The following UGT1A8 variants were observed in gnomAD, a reference collection of about 807,000 sequenced individuals.
UGT1A8 encodes UDP-glucuronosyltransferase 1A8.
UGT1A8 carries 39 observed loss-of-function variants against 45.3 expected under a neutral mutation model. The ratio of observed to expected loss-of-function variants is 0.86; its 90% CI spans 0.67 to 1.12. The LOEUF (loss-of-function observed/expected upper bound fraction) is 1.12. Ranked by LOEUF, UGT1A8 falls within the 50% of genes most tolerant of loss-of-function variation. UGT1A8 has a pLI of 0.00. For missense variants in UGT1A8, 719 were observed against 664.9 expected (o/e 1.08, Z -0.90); for synonymous variants, 275 against 249.2 (o/e 1.10, Z -0.97).
intron 1 of UGT1A8, among the ~76,000 whole-genome samples, chr2:233,730,416 T>C (rs934632657): frequency 4.6e-5 from 7 of 152,204 alleles, no homozygotes; most frequent in African/African-American, 1.7e-4. Flanking sequence ...GTTGACATGA[T>C]AATTTTTAGT....
intron 1 of UGT1A8, among the ~76,000 whole-genome samples, chr2:233,673,716 A>G (rs555278299): frequency 1.3e-5 from 2 of 152,302 alleles, no homozygotes; most frequent in South Asian, 2.1e-4. Context: ...TATTGGGTAC[A>G]GGACAATTTT....
chr2:233,751,910 A>G (rs1006806920), intron 1 of UGT1A8, among the ~76,000 whole-genome samples: 1 of 152,180 alleles, frequency 6.6e-6, no homozygotes, highest in African/African-American at 2.4e-5. Context: ...AGAACAGACT[A>G]ATACAAGATT....
At chr2:233,630,689 A>C (rs1161328248) in intron 1 of UGT1A8, among the ~76,000 whole-genome samples, 1 of 152,106 alleles carries the variant, frequency 6.6e-6, no homozygotes, top group African/African-American at 2.4e-5. Context: ...GAGCAGGAGC[A>C]AGAGAGAGAC....
chr2:233,773,166 A>T lies in UGT1A8; in HGVS notation c.*607A>T, dbSNP rs1365431114. ...ATTGGTGGGTGGTGTATTTGAGAAGATAATCATTGCTTATGTCAAATGGAG... is the reference window on the plus strand; with the variant it reads ...ATTGGTGGGTGGTGTATTTGAGAAGTTAATCATTGCTTATGTCAAATGGAG... On this transcript the variant is annotated 3_prime_UTR_variant, in exon 5 of 5. Transcript: ENST00000373450. The T allele has an allele frequency of 6.5e-6, 1 of 153,410 alleles. No individual in the cohort carries two copies. Among genetic ancestry groups the T allele is most frequent in the Non-Finnish European group, 1.5e-5 (1 of 68,794 alleles). The allele number at this position is 153,410 out of a possible 1,614,324, so 9.5% of individuals were successfully genotyped here.
intron 1 of UGT1A8, among the ~76,000 whole-genome samples, chr2:233,750,063 C>T (rs556183809): frequency 6.6e-6 from 1 of 151,926 alleles, no homozygotes; most frequent in South Asian, 2.1e-4. Flanking sequence ...GACTTTGGAA[C>T]TGGGTAACAG....
At chr2:233,699,090 T>C (rs2075483831) in intron 1 of UGT1A8, among the ~76,000 whole-genome samples, 1 of 152,200 alleles carries the variant, frequency 6.6e-6, no homozygotes, top group Non-Finnish European at 1.5e-5. Context: ...TCTAGCCCTG[T>C]GCACCTCATC....
At chr2:233,747,470 G>C in intron 1 of UGT1A8, 4 of 1,608,766 alleles carry the variant, frequency 2.5e-6, no homozygotes, top group Non-Finnish European at 3.4e-6. Context: ...CATGGACCCA[G>C]GATGAATTTG....
At chr2:233,724,935 G>A (rs1212268731) in intron 1 of UGT1A8, among the ~76,000 whole-genome samples, 1 of 143,666 alleles carries the variant, frequency 7.0e-6, no homozygotes, top group South Asian at 2.5e-4. Flanking sequence ...ACGAGACTCC[G>A]TCTGCAATCC....
intron 1 of UGT1A8, chr2:233,636,875 A>G: frequency 6.2e-7 from 1 of 1,614,032 alleles, no homozygotes; most frequent in Non-Finnish European, 8.5e-7. Flanking sequence ...GGTTTTCTTG[A>G]CTTATTTTTT....
intron 1 of UGT1A8, chr2:233,671,719 C>T (rs1169088424): frequency 1.5e-4 from 155 of 1,060,586 alleles, no homozygotes; most frequent in Middle Eastern, 6.6e-4. Context: ...CCATAAGCTA[C>T]TGTTGTCTGG....
chr2:233,746,471 A>T (rs538596800), intron 1 of UGT1A8, among the ~76,000 whole-genome samples: 1 of 151,696 alleles, frequency 6.6e-6, no homozygotes, highest in Non-Finnish European at 1.5e-5. Flanking sequence ...GGGTTCCAGA[A>T]ACACTTTCCA....
At chr2:233,627,465 G>C (rs370625550) in intron 1 of UGT1A8, among the ~76,000 whole-genome samples, 1 of 151,912 alleles carries the variant, frequency 6.6e-6, no homozygotes, top group African/African-American at 2.4e-5. Flanking sequence ...AATCACATTG[G>C]CATCTATAAA....
chr2:233,718,037 G>C (rs1268815456), intron 1 of UGT1A8: 1 of 377,926 alleles, frequency 2.6e-6, no homozygotes, highest in Non-Finnish European at 5.2e-6. Context: ...CCTTTGGTGA[G>C]CAGGAGCTCC....
At chr2:233,647,980 A>C (rs941067218) in intron 1 of UGT1A8, 1 of 1,608,308 alleles carries the variant, frequency 6.2e-7, no homozygotes, top group Non-Finnish European at 8.5e-7. Flanking sequence ...GGAGAAACTC[A>C]TTCTCAGGGG....
In UGT1A8 at chr2:233,695,130, C is replaced by CTTTCTTTCTTTTT. The variant is rs1364557158; in HGVS notation, c.856-71901_856-71900insCTTTCTTTTTTTT. Among the ~76,000 whole-genome samples the CTTTCTTTCTTTTT allele has an allele frequency of 8.6e-5, 12 of 138,840 alleles. 1 individual carries two copies. Among genetic ancestry groups the CTTTCTTTCTTTTT allele is most frequent in the African/African-American group, 3.3e-4 (12 of 36,796 alleles). The allele number at this position is 138,840 out of a possible 152,430, so 91.1% of individuals were successfully genotyped here. A position where few individuals can be genotyped will look rare whatever the true frequency, so the allele number is the denominator to read the frequency against. On this transcript the variant is annotated intron_variant, in intron 1 of 4. Coordinates refer to ENST00000373450, the MANE Select transcript of UGT1A8 (RefSeq NM_019076.5). ...GCCCATTAACCAACCCTTTTCTTTT[C>CTTTCTTTCTTTTT]TTTTTTTTTTTTTTGAGACAGAGTC...
intron 2 of UGT1A8, 140 bp downstream of exon 2, chr2:233,767,305 G>A (rs907806050): frequency 6.6e-7 from 1 of 1,518,864 alleles, no homozygotes; most frequent in Admixed American, 2.3e-5. Flanking sequence ...TAATCCAAAG[G>A]TTTTTTTTGT....
Position 233,769,872 on chromosome 2 carries a change from A to G in UGT1A8, c.1295+1433A>G. 2.2e-6 allele frequency: 1 copy of G among 452,556 alleles called. No individual in the cohort carries two copies. The highest frequency in any genetic ancestry group is 3.7e-6 in the Non-Finnish European group (1 of 267,272). The allele number at this position is 452,556 out of a possible 1,614,324, so 28.0% of individuals were successfully genotyped here. A position where few individuals can be genotyped will look rare whatever the true frequency, so the allele number is the denominator to read the frequency against. ...GACCCTGTCTCAAAAAAAAAAAAAA[A>G]AATGAAAAGTCCACATAACCTGAGC... On this transcript the variant is annotated intron_variant, in intron 4 of 4. Coordinates refer to ENST00000373450, the MANE Select transcript of UGT1A8 (RefSeq NM_019076.5). The surrounding 1 kb of genome is among the most constrained non-coding windows in gnomAD (Gnocchi z 4.4).
intron 1 of UGT1A8, among the ~76,000 whole-genome samples, chr2:233,683,821 C>T (rs17864687): frequency 0.017 from 2,641 of 152,088 alleles, 25 homozygotes; most frequent in African/African-American, 0.031. Context: ...ACTAAACTCT[C>T]GTATTAGTAT....
chr2:233,735,285 T>C (rs1453773245), intron 1 of UGT1A8, among the ~76,000 whole-genome samples: 1 of 152,192 alleles, frequency 6.6e-6, no homozygotes, highest in East Asian at 1.9e-4. Flanking sequence ...TCTTTGTCTC[T>C]TTTGATTTTT....
Sources: gnomAD v4.1 joint callset for allele counts (sites outside exome capture counted in the v4.1 genomes callset) on GRCh38, gnomAD v4.1.1 for gene constraint, Gnocchi (gnomAD v3.1) non-coding constraint, MANE v1.5 for transcripts, NCBI Gene and HGNC (gene_info 2026-07-23, HGNC 2026-07-21) for gene names.